The following ANTXR2 variants were observed in gnomAD, a reference collection of about 807,000 sequenced individuals.
ANTXR2 encodes anthrax toxin receptor 2.
Under a neutral mutation model 73.7 loss-of-function variants are expected in ANTXR2, and 44 were observed. The observed-to-expected ratio is 0.60, with a 90% CI of 0.47 to 0.77. The LOEUF (loss-of-function observed/expected upper bound fraction) is 0.77, where lower values mean the gene tolerates loss of function less well. ANTXR2 is among the 30% of genes least tolerant of loss of function. ANTXR2 has a pLI of 0.00. For synonymous variants in ANTXR2, 217 were observed against 205.9 expected, an observed-to-expected ratio of 1.05 and a Z score of -0.46; for missense variants, 604 against 592.5, an observed-to-expected ratio of 1.02 and a Z score of -0.20.
At position 79,903,363 on chromosome 4, in the gene ANTXR2, T is replaced by G. The variant is rs1726781801; in HGVS notation, c.*4066A>C. On this transcript the variant is annotated 3_prime_UTR_variant, in exon 17 of 17. Transcript: ENST00000403729. ...TTCTCCCTCTGTTTCTCTCTCTCTC[T>G]CTCTCTCTCACACACACACACACAA... The G allele has an allele frequency of 6.6e-6, 1 of 151,886 alleles. No individual in the cohort carries two copies. The highest frequency in any genetic ancestry group is 2.4e-5 in the African/African-American group (1 of 41,344). The allele number at this position is 151,886 out of a possible 1,614,324, so 9.4% of individuals were successfully genotyped here.
At chr4:79,977,119 A>G (rs1729667772) in intron 16 of ANTXR2, among the ~76,000 whole-genome samples, 1 of 152,236 alleles carries the variant, frequency 6.6e-6, no homozygotes, top group Non-Finnish European at 1.5e-5. Context: ...GTTTATCACT[A>G]TCACAGATTT....
At chr4:80,045,856 C>G (rs1259540227) in intron 7 of ANTXR2, among the ~76,000 whole-genome samples, 1 of 151,628 alleles carries the variant, frequency 6.6e-6, no homozygotes, top group African/African-American at 2.4e-5. Context: ...TCCAAACACC[C>G]CAGCCAAATA....
At chr4:79,929,843 A>G (rs958232034) in intron 16 of ANTXR2, among the ~76,000 whole-genome samples, 5 of 152,216 alleles carry the variant, frequency 3.3e-5, no homozygotes, top group Non-Finnish European at 5.9e-5. Context: ...CGACAACAAG[A>G]GCAATAATAA....
intron 12 of ANTXR2, among the ~76,000 whole-genome samples, chr4:79,998,088 A>G (rs1438269245): frequency 6.6e-6 from 1 of 152,034 alleles, no homozygotes; most frequent in Non-Finnish European, 1.5e-5. Flanking sequence ...AGTGCAATGT[A>G]CAGCATTATT....
At chr4:79,960,215 T>C (rs1729092971) in intron 16 of ANTXR2, among the ~76,000 whole-genome samples, 1 of 152,136 alleles carries the variant, frequency 6.6e-6, no homozygotes, top group African/African-American at 2.4e-5. Context: ...TGTCAGGAAA[T>C]GGCTCTAGAA....
chr4:79,921,405 C>A (rs1322874149), intron 16 of ANTXR2, among the ~76,000 whole-genome samples: 2 of 151,920 alleles, frequency 1.3e-5, no homozygotes, highest in Non-Finnish European at 2.9e-5. Context: ...CTGTCCTAGT[C>A]AAAAAATTAA....
chr4:79,961,988 A>C (rs935913021), intron 16 of ANTXR2, among the ~76,000 whole-genome samples: 4 of 152,118 alleles, frequency 2.6e-5, no homozygotes, highest in Non-Finnish European at 4.4e-5. Flanking sequence ...TAAGTACCCA[A>C]GTTCTGTTTA....
At chr4:80,067,288 A>G (rs1050382470) in intron 3 of ANTXR2, among the ~76,000 whole-genome samples, 1 of 152,208 alleles carries the variant, frequency 6.6e-6, no homozygotes, top group Non-Finnish European at 1.5e-5. Context: ...CAATGATGAA[A>G]GAAGAATCAC....
intron 11 of ANTXR2, among the ~76,000 whole-genome samples, chr4:80,009,846 CAAAAAAAAAA>C (rs932231740): frequency 2.4e-5 from 2 of 82,120 alleles, no homozygotes; most frequent in African/African-American, 9.2e-5. Flanking sequence ...GACTCCATCT[CAAAAAAAAAA>C]AAAAGAAAGA....
At chr4:79,925,340 T>A (rs924150976) in intron 16 of ANTXR2, among the ~76,000 whole-genome samples, 11 of 151,606 alleles carry the variant, frequency 7.3e-5, no homozygotes, top group African/African-American at 1.2e-4. Context: ...TAAAAAAAAA[T>A]TTATGCAGGT....
chr4:79,989,255 A>G (rs1730349304), intron 12 of ANTXR2, among the ~76,000 whole-genome samples: 1 of 152,070 alleles, frequency 6.6e-6, no homozygotes, highest in South Asian at 2.1e-4. Flanking sequence ...AACTAGATTA[A>G]TAAATAAAAA....
chr4:79,960,386 T>C (rs1406204285), intron 16 of ANTXR2, among the ~76,000 whole-genome samples: 1 of 152,182 alleles, frequency 6.6e-6, no homozygotes, highest in Non-Finnish European at 1.5e-5. Context: ...CTAAAGTATC[T>C]TTCTGCCACA....
intron 16 of ANTXR2, among the ~76,000 whole-genome samples, chr4:79,957,196 GTCTAAT>G (rs1400122569): frequency 1.3e-5 from 2 of 152,008 alleles, no homozygotes; most frequent in Non-Finnish European, 2.9e-5. Flanking sequence ...CCCTCCAAGA[GTCTAAT>G]TCTAACTTCT....
At chr4:80,041,161 T>G (rs1733227732) in intron 7 of ANTXR2, among the ~76,000 whole-genome samples, 1 of 152,116 alleles carries the variant, frequency 6.6e-6, no homozygotes, top group Admixed American at 6.6e-5. Flanking sequence ...TAGAAAGATT[T>G]TTTTAACTGC....
intron 10 of ANTXR2, among the ~76,000 whole-genome samples, chr4:80,024,085 G>A (rs909342455): frequency 2.3e-4 from 35 of 152,122 alleles, no homozygotes; most frequent in African/African-American, 7.0e-4. Context: ...GTGGCAATGA[G>A]GTTAGTGTGA....
At chr4:80,041,755 A>G (rs1318002210) in intron 7 of ANTXR2, among the ~76,000 whole-genome samples, 1 of 152,012 alleles carries the variant, frequency 6.6e-6, no homozygotes, top group East Asian at 1.9e-4. Flanking sequence ...CGCTGAGGAT[A>G]ATGGCTTCCA....
chr4:80,010,869 C>T lies in ANTXR2; in HGVS notation c.946-2253G>A, dbSNP rs192297231. On this transcript the variant is annotated intron_variant, in intron 11 of 16. Transcript: ENST00000403729. ...TTGTCTTAAAAAAATTAAAAATGGC[C>T]GGGCACAGTGGCTCACACCTGTAAT... 4.6e-3 allele frequency among the ~76,000 whole-genome samples: 696 copies of T among 152,098 alleles called. 10 individuals carry two copies. Among genetic ancestry groups the T allele is most frequent in the African/African-American group, 0.016 (660 of 41,472 alleles).
chr4:80,023,591 A>G (rs923345693), intron 10 of ANTXR2, among the ~76,000 whole-genome samples: 6 of 152,210 alleles, frequency 3.9e-5, no homozygotes, highest in African/African-American at 1.2e-4. Flanking sequence ...TGTGTGGGAG[A>G]TTCAACAGAC....
Position 80,072,710 on chromosome 4 carries a change from A to G in ANTXR2, c.-150T>C, listed in dbSNP as rs762516589. On this transcript the variant is annotated 5_prime_UTR_variant, in exon 1 of 17. Coordinates refer to ENST00000403729, the MANE Select transcript of ANTXR2 (RefSeq NM_058172.6). ...GGCGCCTGCGGCAGCGGGACCCACC[A>G]GCTGACAGGGAGGGAGAGAGGGAGG... 377 of 1,349,468 alleles carry G rather than the reference A, an allele frequency of 2.8e-4. No individual in the cohort carries two copies. The highest frequency in any genetic ancestry group is 3.2e-4 in the Non-Finnish European group (338 of 1,056,062). 83.6% of individuals were successfully genotyped at this position (1,349,468 alleles called of 1,614,324 possible).
Sources: allele counts gnomAD v4.1 joint callset (sites outside exome capture counted in the v4.1 genomes callset), GRCh38; gene constraint gnomAD v4.1.1; transcripts MANE v1.5; gene names NCBI Gene and HGNC (gene_info 2026-07-23, HGNC 2026-07-21).